CHD6: variants seen among roughly 807,000 people sequenced by gnomAD.
CHD6 encodes chromodomain helicase DNA binding protein 6.
In CHD6, 50 loss-of-function variants were observed where a neutral mutation model predicts 276.9. That is an observed-to-expected ratio of 0.18 (90% CI 0.14 to 0.23). The LOEUF (loss-of-function observed/expected upper bound fraction) is 0.23. Among genes scored for constraint, CHD6 ranks in the 10% least tolerant of loss-of-function variants. CHD6 has a pLI of 1.00. For missense variants in CHD6, 2,564 were observed against 3,365.8 expected (o/e 0.76, Z 5.89); for synonymous variants, 1,173 against 1,229.3 (o/e 0.95, Z 0.96).
chr20:41,529,413 C>G (rs955898257), intron 3 of CHD6, among the ~76,000 whole-genome samples: 2 of 152,132 alleles, frequency 1.3e-5, no homozygotes, highest in African/African-American at 4.8e-5. Context: ...GATTATAACA[C>G]ACATCTGTGA....
At chr20:41,459,307 G>C (rs906332501) in intron 17 of CHD6, 1 of 152,520 alleles carries the variant, frequency 6.6e-6, no homozygotes, top group East Asian at 1.9e-4. Context: ...CCACTGGGGC[G>C]GGGGTACAGG....
chr20:41,482,103 T>C (rs1045280928), intron 16 of CHD6, among the ~76,000 whole-genome samples: 1 of 152,142 alleles, frequency 6.6e-6, no homozygotes, highest in African/African-American at 2.4e-5. Flanking sequence ...TAAAGACTTC[T>C]GTACTTACCA....
At chr20:41,413,825 A>G (rs2046915266) in intron 34 of CHD6, 1 of 215,134 alleles carries the variant, frequency 4.6e-6, no homozygotes, top group African/African-American at 2.3e-5. Flanking sequence ...TGTCCCAGGC[A>G]GCACTCACTG....
intron 23 of CHD6, among the ~76,000 whole-genome samples, chr20:41,449,941 G>A (rs191679291): frequency 1.3e-5 from 2 of 152,272 alleles, no homozygotes; most frequent in Non-Finnish European, 2.9e-5. Context: ...TTCTTTTGAT[G>A]ACAATTTCAT....
At chr20:41,455,355 C>G (rs1000568544) in intron 19 of CHD6, among the ~76,000 whole-genome samples, 2 of 152,208 alleles carry the variant, frequency 1.3e-5, no homozygotes, top group African/African-American at 4.8e-5. Context: ...GGCACCCAGA[C>G]TAGAAGCTGG....
chr20:41,505,561 C>T (rs1395752316), intron 5 of CHD6, among the ~76,000 whole-genome samples: 1 of 152,184 alleles, frequency 6.6e-6, no homozygotes, highest in Non-Finnish European at 1.5e-5. Flanking sequence ...ATGACTCTTA[C>T]TGTCTGATAT....
intron 1 of CHD6, among the ~76,000 whole-genome samples, chr20:41,556,299 T>C (rs974973379): frequency 1.8e-4 from 20 of 110,168 alleles, no homozygotes; most frequent in Admixed American, 6.2e-4. Context: ...AGGGAGACCG[T>C]GGGGAGACGG....
chr20:41,468,431 C>T (rs1156705174), intron 17 of CHD6, among the ~76,000 whole-genome samples: 1 of 152,024 alleles, frequency 6.6e-6, no homozygotes, highest in Non-Finnish European at 1.5e-5. Context: ...CATTCTTATC[C>T]CCTTATTTTA....
intron 25 of CHD6, among the ~76,000 whole-genome samples, chr20:41,440,810 A>C (rs1054099814): frequency 2.0e-5 from 3 of 152,268 alleles, no homozygotes; most frequent in Non-Finnish European, 4.4e-5. Context: ...ATGTACTCTT[A>C]GAATGAGACA....
chr20:41,406,602 G>T (rs544040721), intron 36 of CHD6, among the ~76,000 whole-genome samples: 18 of 152,328 alleles, frequency 1.2e-4, no homozygotes, highest in African/African-American at 4.3e-4. Context: ...TCCCTGGAGC[G>T]TAAACAAACC....
chr20:41,573,300 C>T (rs955958088), intron 1 of CHD6, among the ~76,000 whole-genome samples: 6 of 152,334 alleles, frequency 3.9e-5, no homozygotes, highest in East Asian at 1.9e-4. Context: ...GTGTCATACT[C>T]GCCACTACCT....
chr20:41,469,202 C>T (rs867825448), intron 17 of CHD6, among the ~76,000 whole-genome samples: 1 of 152,178 alleles, frequency 6.6e-6, no homozygotes, highest in Non-Finnish European at 1.5e-5. Flanking sequence ...GCTGCATTAT[C>T]TTGTGGCTGT....
chr20:41,517,674 T>C (rs17194127), intron 3 of CHD6, among the ~76,000 whole-genome samples: 3,152 of 152,326 alleles, frequency 0.021, 56 homozygotes, highest in Non-Finnish European at 0.034. Flanking sequence ...TTAAGAAAAC[T>C]GCATAGCAAA....
At chr20:41,609,688 A>G (rs1023795522) in intron 1 of CHD6, among the ~76,000 whole-genome samples, 2 of 152,196 alleles carry the variant, frequency 1.3e-5, no homozygotes, top group African/African-American at 4.8e-5. Flanking sequence ...TCATGCTTCA[A>G]GAGTCACTGC....
intron 2 of CHD6, among the ~76,000 whole-genome samples, chr20:41,542,561 C>T (rs929681222): frequency 3.9e-5 from 6 of 151,944 alleles, no homozygotes; most frequent in Admixed American, 1.3e-4. Context: ...GGCATGGTGG[C>T]GGGCGCCTGT....
At chr20:41,545,126 T>C (rs2045015404) in intron 2 of CHD6, among the ~76,000 whole-genome samples, 2 of 152,060 alleles carry the variant, frequency 1.3e-5, no homozygotes, top group South Asian at 4.2e-4. Context: ...CTCCTCTAAC[T>C]CTCCCCACGT....
rs541541799 is a variant in CHD6, at chr20:41,615,385, T to C, written c.-24+2955A>G. ...AAAAAAGTTCTCTAGGGAAGAGGTATCTCAGCTCTGGCTATCATTTTATGT... is the reference window on the plus strand; with the variant it reads ...AAAAAAGTTCTCTAGGGAAGAGGTACCTCAGCTCTGGCTATCATTTTATGT... On this transcript the variant is annotated intron_variant, in intron 1 of 36. Coordinates refer to ENST00000373233, the MANE Select transcript of CHD6 (RefSeq NM_032221.5). Among the ~76,000 whole-genome samples the C allele has an allele frequency of 5.9e-4, 89 of 151,358 alleles. No individual in the cohort carries two copies. In the Middle Eastern group the frequency reaches 0.01, roughly 18 times the overall value.
intron 17 of CHD6, among the ~76,000 whole-genome samples, chr20:41,463,570 A>T (rs1168258916): frequency 1.3e-5 from 2 of 152,202 alleles, no homozygotes; most frequent in Non-Finnish European, 2.9e-5. Flanking sequence ...CTAAACCTAG[A>T]TCCAATCCTG....
intron 1 of CHD6, among the ~76,000 whole-genome samples, chr20:41,554,789 C>T (rs1361803294): frequency 6.6e-6 from 1 of 152,196 alleles, no homozygotes; most frequent in Non-Finnish European, 1.5e-5. Flanking sequence ...TCTTTCTACA[C>T]AGACACGGCA....
Sources: allele counts gnomAD v4.1 joint callset (sites outside exome capture counted in the v4.1 genomes callset), GRCh38; gene constraint gnomAD v4.1.1; transcripts MANE v1.5; gene names NCBI Gene and HGNC (gene_info 2026-07-23, HGNC 2026-07-21).